The following SV2C variants were observed in gnomAD, a reference collection of about 807,000 sequenced individuals.
SV2C encodes synaptic vesicle glycoprotein 2C, also known as solute carrier family 22 member B3.
A neutral mutation model predicts 79.7 loss-of-function variants in SV2C; 49 were observed. The ratio of observed to expected loss-of-function variants is 0.61; its 90% confidence interval spans 0.49 to 0.78. SV2C has a LOEUF of 0.78. SV2C is among the 30% of genes least tolerant of loss of function. The pLI is 0.00. For synonymous variants in SV2C, 334 were observed against 333.2 expected, an observed-to-expected ratio of 1.00 and a Z score of -0.03; for missense variants, 833 against 912.9, an observed-to-expected ratio of 0.91 and a Z score of 1.13.
chr5:75,895,953 T>C, the SV2C span, among the ~76,000 whole-genome samples: 4 of 152,124 alleles, frequency 2.6e-5, no homozygotes, highest in African/African-American at 7.2e-5. Context: ...AACTGTTATT[T>C]ATATATTAAA....
At chr5:76,119,468 T>C (rs1748407183) in intron 1 of SV2C, among the ~76,000 whole-genome samples, 1 of 152,066 alleles carries the variant, frequency 6.6e-6, no homozygotes, top group Non-Finnish European at 1.5e-5. Context: ...GACATAAACA[T>C]AGTCAGAAGG....
At chr5:76,165,174 A>G (rs1461961424) in intron 2 of SV2C, among the ~76,000 whole-genome samples, 1 of 152,180 alleles carries the variant, frequency 6.6e-6, no homozygotes, top group Non-Finnish European at 1.5e-5. Flanking sequence ...TTTAAGACTC[A>G]ATAGAAGTTG....
chr5:76,339,563 A>T (rs1749399079), intron 12 of SV2C, among the ~76,000 whole-genome samples: 1 of 152,074 alleles, frequency 6.6e-6, no homozygotes, highest in South Asian at 2.1e-4. Context: ...AAATACAAAA[A>T]ATTAACTGGG....
the SV2C span, among the ~76,000 whole-genome samples, chr5:75,945,317 C>T: frequency 2.0e-5 from 3 of 150,424 alleles, no homozygotes; most frequent in Non-Finnish European, 3.0e-5. Context: ...TATTATTTTT[C>T]TCTCTCTCTT....
intron 2 of SV2C, among the ~76,000 whole-genome samples, chr5:76,151,610 CAGGGAGG>C (rs1404928279): frequency 1.3e-5 from 2 of 152,130 alleles, no homozygotes; most frequent in Non-Finnish European, 2.9e-5. Context: ...GCTATGGGTG[CAGGGAGG>C]AGGGCCATGT....
chr5:75,941,403 T>C, the SV2C span, among the ~76,000 whole-genome samples: 1 of 152,222 alleles, frequency 6.6e-6, no homozygotes. Context: ...TACATTATAA[T>C]ATAAAGCCCA....
chr5:76,061,057 G>A, the SV2C span, among the ~76,000 whole-genome samples: 1 of 151,714 alleles, frequency 6.6e-6, no homozygotes, highest in African/African-American at 2.4e-5. Flanking sequence ...ATCTTATATG[G>A]GCATAGTTTG....
At chr5:75,943,054 C>T in the SV2C span, among the ~76,000 whole-genome samples, 13 of 152,164 alleles carry the variant, frequency 8.5e-5, no homozygotes, top group Admixed American at 2.6e-4. Flanking sequence ...ACAGAGAACT[C>T]AGCTGTGTCT....
chr5:75,921,207 CA>C, the SV2C span: 3 of 1,077,074 alleles, frequency 2.8e-6, no homozygotes. Flanking sequence ...CAGGGGCCAG[CA>C]GCCGAGATGT....
intron 8 of SV2C, among the ~76,000 whole-genome samples, chr5:76,295,481 G>C (rs144296147): frequency 6.6e-6 from 1 of 152,266 alleles, no homozygotes; most frequent in East Asian, 1.9e-4. Context: ...TTCAGACCAG[G>C]CACCATGTAT....
the SV2C span, among the ~76,000 whole-genome samples, chr5:76,034,258 T>C: frequency 6.6e-6 from 1 of 152,040 alleles, no homozygotes; most frequent in Non-Finnish European, 1.5e-5. Flanking sequence ...CCTGCCTGAT[T>C]GCCCTGGCCA....
intron 1 of SV2C, among the ~76,000 whole-genome samples, chr5:76,120,622 G>T (rs1162271733): frequency 9.6e-5 from 14 of 146,358 alleles, no homozygotes; most frequent in African/African-American, 3.6e-4. Flanking sequence ...GCGGTGTTTG[G>T]TTTTTTGTCC....
At chr5:76,212,045 TC>T (rs1744782380) in intron 4 of SV2C, among the ~76,000 whole-genome samples, 1 of 152,096 alleles carries the variant, frequency 6.6e-6, no homozygotes, top group African/African-American at 2.4e-5. Flanking sequence ...TACAGGCAGG[TC>T]CCCATATCCA....
chr5:76,013,070 A>T, the SV2C span, among the ~76,000 whole-genome samples: 1 of 152,120 alleles, frequency 6.6e-6, no homozygotes, highest in South Asian at 2.1e-4. Flanking sequence ...TTTACTTAGG[A>T]TTGCCTTGGC....
intron 1 of SV2C, among the ~76,000 whole-genome samples, chr5:76,098,331 C>A (rs970269741): frequency 7.9e-5 from 12 of 152,080 alleles, no homozygotes; most frequent in African/African-American, 2.9e-4. Context: ...TCCATAAGCT[C>A]AAGGATATTA....
At chr5:76,128,142 G>A (rs1444774682) in intron 1 of SV2C, among the ~76,000 whole-genome samples, 1 of 152,180 alleles carries the variant, frequency 6.6e-6, no homozygotes, top group African/African-American at 2.4e-5. Context: ...TAAACGAGGA[G>A]CATCATGTAC....
chr5:76,116,065 TCCTGCACCCTATAAC>T (rs1748254338), intron 1 of SV2C, among the ~76,000 whole-genome samples: 1 of 152,356 alleles, frequency 6.6e-6, no homozygotes, highest in East Asian at 1.9e-4. Flanking sequence ...GAGCAGCACC[TCCTGCACCCTATAAC>T]CCTGCACCAT....
chr5:76,019,077 T>C, the SV2C span, among the ~76,000 whole-genome samples: 7 of 152,090 alleles, frequency 4.6e-5, no homozygotes. Context: ...AAGGAGACTA[T>C]GATAAAAAGA....
chr5:76,049,654 AAGTC>A, the SV2C span, among the ~76,000 whole-genome samples: 1 of 152,226 alleles, frequency 6.6e-6, no homozygotes, highest in Non-Finnish European at 1.5e-5. Flanking sequence ...TTTGAGTTGA[AAGTC>A]AGTAAGAGCA....
Sources: allele counts gnomAD v4.1 joint callset (sites outside exome capture counted in the v4.1 genomes callset), GRCh38; gene constraint gnomAD v4.1.1; transcripts MANE v1.5; gene names NCBI Gene and HGNC (gene_info 2026-07-23, HGNC 2026-07-21).